The following PRKAR1B variants were observed in gnomAD, a reference collection of about 807,000 sequenced individuals.
The protein encoded by PRKAR1B is protein kinase cAMP-dependent type I regulatory subunit beta, also known as cAMP-dependent protein kinase type I-beta regulatory subunit.
Under a neutral mutation model 46.5 loss-of-function variants are expected in PRKAR1B, and 22 were observed. The ratio of observed to expected loss-of-function variants is 0.47; its 90% CI spans 0.34 to 0.68. PRKAR1B has a LOEUF of 0.68. Ranked by LOEUF, PRKAR1B falls within the 30% of genes least tolerant of loss-of-function variation. PRKAR1B has a pLI of 0.01. For synonymous variants in PRKAR1B, 259 were observed against 217.7 expected (o/e 1.19, Z -1.67); for missense variants, 445 against 535.6 (o/e 0.83, Z 1.67).
rs74683044 is a variant in PRKAR1B at position 646,234 on chromosome 7, G to A, written c.440+30995C>T. Among the ~76,000 whole-genome samples the A allele has an allele frequency of 3.4e-3, 519 of 152,292 alleles. 2 individuals carry two copies. The highest frequency in any genetic ancestry group is 5.5e-3 in the Non-Finnish European group (372 of 68,020). On this transcript the variant is annotated intron_variant, in intron 4 of 10. Coordinates refer to ENST00000537384, the MANE Select transcript of PRKAR1B (RefSeq NM_001164760.2). ...GATTTTTGAATCTACTGTAGAGACA[G>A]GGTCTTCCTATGTTCCCCAGGCTGG...
At chr7:677,158 C>CG in intron 4 of PRKAR1B, 71 bp downstream of exon 4, 1 of 1,455,942 alleles carries the variant, frequency 6.9e-7, no homozygotes, top group East Asian at 2.3e-5. Flanking sequence ...AGGCAAGTGG[C>CG]GGGACCTGCC....
chr7:559,968 T>G (rs1341496066), intron 9 of PRKAR1B, among the ~76,000 whole-genome samples: 1 of 152,098 alleles, frequency 6.6e-6, no homozygotes, highest in Non-Finnish European at 1.5e-5. Context: ...CTCAGGAGGC[T>G]GAGGCAGGAG....
chr7:632,579 G>C (rs963834746), intron 4 of PRKAR1B, among the ~76,000 whole-genome samples: 7 of 152,240 alleles, frequency 4.6e-5, no homozygotes, highest in African/African-American at 1.7e-4. Flanking sequence ...AGCACACTGG[G>C]TGGGGCTGCC....
chr7:656,017 G>A (rs1785167254), intron 4 of PRKAR1B, among the ~76,000 whole-genome samples: 1 of 152,284 alleles, frequency 6.6e-6, no homozygotes, highest in Middle Eastern at 3.4e-3. Flanking sequence ...GAAAGACAAA[G>A]ATCCACCTCC....
At chr7:571,199 G>A (rs1323524534) in intron 9 of PRKAR1B, among the ~76,000 whole-genome samples, 5 of 152,182 alleles carry the variant, frequency 3.3e-5, no homozygotes, top group Admixed American at 1.3e-4. Context: ...TGTGGCACCG[G>A]CACTGTCCAA....
chr7:646,937 A>G (rs760129568), intron 4 of PRKAR1B, among the ~76,000 whole-genome samples: 11 of 152,164 alleles, frequency 7.2e-5, no homozygotes, highest in Non-Finnish European at 1.3e-4. Flanking sequence ...GCAGCGGTAC[A>G]CCTGGCAGGG....
Position 680,537 on chromosome 7 carries a change from C to T in PRKAR1B, c.348+19G>A, listed in dbSNP as rs1373766635. On this transcript the variant is annotated intron_variant, in intron 3 of 10. Coordinates refer to ENST00000537384, the MANE Select transcript of PRKAR1B (RefSeq NM_001164760.2). ...TGCCGAGGCCTGGGGACAGGAACCC[C>T]GTGACCCGTGAGCCTCACCTTCCTG... is the stretch of plus-strand genomic sequence containing the variant. 4.4e-6 allele frequency: 7 copies of T among 1,597,524 alleles called. No individual in the cohort carries two copies. The highest frequency in any genetic ancestry group is 2.3e-5 in the East Asian group (1 of 44,362).
chr7:693,831 C>G (rs1225386122), intron 2 of PRKAR1B, among the ~76,000 whole-genome samples: 2 of 152,212 alleles, frequency 1.3e-5, no homozygotes, highest in Non-Finnish European at 2.9e-5. Context: ...AAGCTTCCTT[C>G]CACTGTGGCT....
At chr7:628,529 G>C (rs1783543289) in intron 4 of PRKAR1B, among the ~76,000 whole-genome samples, 3 of 152,252 alleles carry the variant, frequency 2.0e-5, no homozygotes. Flanking sequence ...GCTCCTCCCA[G>C]GCCCGTGTGA....
chr7:633,622 G>T (rs1372133688), intron 4 of PRKAR1B, among the ~76,000 whole-genome samples: 1 of 152,030 alleles, frequency 6.6e-6, no homozygotes, highest in Non-Finnish European at 1.5e-5. Flanking sequence ...AAATTAGCTG[G>T]GTGTGGTGGT....
intron 6 of PRKAR1B, among the ~76,000 whole-genome samples, chr7:599,327 C>T (rs1471671874): frequency 9.3e-5 from 14 of 150,918 alleles, no homozygotes; most frequent in African/African-American, 2.4e-4. Context: ...GATGGAGTTT[C>T]GCTCTTGTTC....
rs1786002795 is a variant in PRKAR1B at position 667,588 on chromosome 7, C to T, written c.440+9641G>A. ...TCACTACAGGACAGTATGGACCCCG[C>T]TCACTGGCAATGCCTAAATCACCCA... On this transcript the variant is annotated intron_variant, in intron 4 of 10. Coordinates refer to ENST00000537384, the MANE Select transcript of PRKAR1B (RefSeq NM_001164760.2). This position sits in a 1 kb window ranked among gnomAD's most constrained non-coding sequence, Gnocchi z 4.3. Among the ~76,000 whole-genome samples, 2 of 152,230 alleles carry T rather than the reference C, an allele frequency of 1.3e-5. No individual in the cohort carries two copies. Among genetic ancestry groups the T allele is most frequent in the South Asian group, 4.1e-4 (2 of 4,834 alleles).
chr7:683,081 G>C (rs1583412744), intron 2 of PRKAR1B, among the ~76,000 whole-genome samples: 1 of 152,336 alleles, frequency 6.6e-6, no homozygotes, highest in Admixed American at 6.5e-5. Context: ...AGGTGGAGGA[G>C]GAATTCAGGG....
chr7:623,935 T>C (rs898811496), intron 4 of PRKAR1B, among the ~76,000 whole-genome samples: 1 of 151,862 alleles, frequency 6.6e-6, no homozygotes, highest in Non-Finnish European at 1.5e-5. Context: ...GGGAAGGAGG[T>C]GGAGGATGGC....
intron 1 of PRKAR1B, among the ~76,000 whole-genome samples, chr7:723,245 G>T (rs1030903630): frequency 9.9e-5 from 15 of 152,202 alleles, no homozygotes; most frequent in African/African-American, 3.6e-4. Flanking sequence ...AATCGGCCCT[G>T]AAAGCAGACT....
intron 1 of PRKAR1B, among the ~76,000 whole-genome samples, chr7:719,053 T>G (rs1280388227): frequency 6.6e-6 from 1 of 151,796 alleles, no homozygotes; most frequent in East Asian, 1.9e-4. Flanking sequence ...TTTTTCTTTT[T>G]CTTTTGAGAA....
At chr7:581,730 T>TC (rs1464275677) in intron 8 of PRKAR1B, among the ~76,000 whole-genome samples, 1 of 152,098 alleles carries the variant, frequency 6.6e-6, no homozygotes, top group African/African-American at 2.4e-5. Context: ...ATTTTTTTTT[T>TC]CAAGAGACAG....
chr7:628,819 C>T (rs67748930), intron 4 of PRKAR1B, among the ~76,000 whole-genome samples: 9,425 of 38,060 alleles, frequency 0.25, 374 homozygotes, highest in South Asian at 0.4. Flanking sequence ...AATTCCTCGC[C>T]CACCCCCAAG....
At chr7:575,131 G>A (rs768116431) in intron 9 of PRKAR1B, among the ~76,000 whole-genome samples, 4 of 152,336 alleles carry the variant, frequency 2.6e-5, no homozygotes, top group Admixed American at 6.5e-5. Flanking sequence ...GGGCTCAGCC[G>A]GGCGGTTCTC....
Sources: gnomAD v4.1 joint callset for allele counts (sites outside exome capture counted in the v4.1 genomes callset) on GRCh38, gnomAD v4.1.1 for gene constraint, Gnocchi (gnomAD v3.1) non-coding constraint, MANE v1.5 for transcripts, NCBI Gene and HGNC (gene_info 2026-07-23, HGNC 2026-07-21) for gene names.